The following NCDN variants were observed in gnomAD, a reference collection of about 807,000 sequenced individuals.
NCDN encodes neurochondrin, also known as norbin.
A neutral mutation model predicts 60.7 loss-of-function variants in NCDN; 9 were observed. The ratio of observed to expected loss-of-function variants is 0.15; its 90% CI spans 0.09 to 0.26. NCDN has a LOEUF of 0.26. Ranked by LOEUF, NCDN falls within the 10% of genes least tolerant of loss-of-function variation. The pLI is 1.00. For synonymous variants in NCDN, 409 were observed against 442.5 expected (o/e 0.92, Z 0.95); for missense variants, 578 against 975.2 (o/e 0.59, Z 5.42).
rs770918242 is a variant in NCDN at position 35,563,444 on chromosome 1, G to A, written c.1610+18G>A. 6.2e-7 allele frequency: 1 copy of A among 1,606,592 alleles called. No individual in the cohort carries two copies. Among genetic ancestry groups the A allele is most frequent in the Non-Finnish European group, 8.5e-7 (1 of 1,173,904 alleles). On this transcript the variant is annotated intron_variant, in intron 5 of 6. Transcript: ENST00000373243. The surrounding 1 kb of genome is among the most constrained non-coding windows in gnomAD (Gnocchi z 6.6). The stretch of plus-strand genomic sequence containing the variant: ...CTGATCAAGTGAGGGGCTCGGGAGA[G>A]GTGGGGGAGGAGGCCGGAGGAGGCA...
chr1:35,557,851 G>A lies in NCDN; in HGVS notation c.-340G>A, dbSNP rs940848217. 1.7e-6 allele frequency: 1 copy of A among 579,336 alleles called. No homozygotes were observed. The highest frequency in any genetic ancestry group is 2.2e-5 in the Admixed American group (1 of 45,920). 35.9% of individuals were successfully genotyped at this position (579,336 alleles called of 1,614,324 possible). ...CCGAGGCTCCCGGAGCATCGCGCTG[G>A]GAGAAGACTTCGCCGCTCGGGGCCG... is the stretch of plus-strand genomic sequence containing the variant. On this transcript the variant is annotated 5_prime_UTR_variant, in exon 1 of 7. Coordinates refer to ENST00000373243, the MANE Select transcript of NCDN (RefSeq NM_014284.3).
At position 35,558,903 on chromosome 1, in the gene NCDN, C is replaced by T. The variant is rs1009242457; in HGVS notation, c.34-204C>T. ...CTGGAGGTGACCTTGGACCAGGGTC[C>T]CTTCTTTATCCCTAAGGATTTGCAG... On this transcript the variant is annotated intron_variant, in intron 1 of 6. Coordinates refer to ENST00000373243, the MANE Select transcript of NCDN (RefSeq NM_014284.3). The surrounding 1 kb of genome is among the most constrained non-coding windows in gnomAD (Gnocchi z 6.3). Among the ~76,000 whole-genome samples, 3 of 151,994 alleles carry T rather than the reference C, an allele frequency of 2.0e-5. No homozygotes were observed. The highest frequency in any genetic ancestry group is 7.3e-5 in the African/African-American group (3 of 41,364).
rs757352611 is a variant in NCDN, at chr1:35,562,619, A to G, written c.1371A>G (p.Pro457=). The change falls in exon 4 of 7, where the codon CCA becomes CCG. Residue 457 remains proline (P), a synonymous_variant. Coordinates refer to ENST00000373243, the MANE Select transcript of NCDN (RefSeq NM_014284.3). This position sits in a 1 kb window ranked among gnomAD's most constrained non-coding sequence, Gnocchi z 6.8. ...ISPTTPGPTW[P]GDALRLLLPG... Reference sequence around the variant, plus strand: ...CCACCACCCCAGGGCCCACCTGGCCAGGAGACGCTCTCCGGTGAGTCTGTA... The same window carrying G: ...CCACCACCCCAGGGCCCACCTGGCCGGGAGACGCTCTCCGGTGAGTCTGTA... 2 of 1,613,308 alleles carry G rather than the reference A, an allele frequency of 1.2e-6. No homozygotes were observed. Among genetic ancestry groups the G allele is most frequent in the African/African-American group, 2.7e-5 (2 of 74,924 alleles).
Position 35,563,569 on chromosome 1 carries a change from C to G in NCDN, c.1610+143C>G. ...CATGGGGGTCTCAGAGTAGACATAG[C>G]CAGCCCCGCACAAGGATTCGGCATG... On this transcript the variant is annotated intron_variant, in intron 5 of 6. Coordinates refer to ENST00000373243, the MANE Select transcript of NCDN (RefSeq NM_014284.3). The surrounding 1 kb of genome is among the most constrained non-coding windows in gnomAD (Gnocchi z 6.6). The G allele has an allele frequency of 9.4e-7, 1 of 1,063,692 alleles. No individual in the cohort carries two copies. Among genetic ancestry groups the G allele is most frequent in the Non-Finnish European group, 1.4e-6 (1 of 733,690 alleles). 65.9% of individuals were successfully genotyped at this position (1,063,692 alleles called of 1,614,324 possible).
Position 35,565,755 on chromosome 1 carries a change from C to T in NCDN, c.*92C>T. The T allele has an allele frequency of 7.6e-7, 1 of 1,312,106 alleles. No homozygotes were observed. The highest frequency in any genetic ancestry group is 1.0e-6 in the Non-Finnish European group (1 of 983,470). 81.3% of individuals were successfully genotyped at this position (1,312,106 alleles called of 1,614,324 possible). A position where few individuals can be genotyped will look rare whatever the true frequency, so the allele number is the denominator to read the frequency against. ...GAAGCCCCCAATCTGGCCCCCCCCT[C>T]CCCAGACTTCCTCCCCAAAACACCC... On this transcript the variant is annotated 3_prime_UTR_variant, in exon 7 of 7. Transcript: ENST00000373243. The surrounding 1 kb of genome is among the most constrained non-coding windows in gnomAD (Gnocchi z 8.9).
chr1:35,558,499 G>A lies in NCDN; in HGVS notation c.33+276G>A, dbSNP rs565727616. 2 of 1,388,724 alleles carry A rather than the reference G, an allele frequency of 1.4e-6. No individual in the cohort carries two copies. The highest frequency in any genetic ancestry group is 5.5e-5 in the East Asian group (2 of 36,684). The allele number at this position is 1,388,724 out of a possible 1,614,324, so 86.0% of individuals were successfully genotyped here. A position where few individuals can be genotyped will look rare whatever the true frequency, so the allele number is the denominator to read the frequency against. ...AAGGAGAGGAGGCAAGGAGCCTGCG[G>A]GGGCGACTGAGAGCCCTGGCTGGAG... is the stretch of plus-strand genomic sequence containing the variant. On this transcript the variant is annotated intron_variant, in intron 1 of 6. Coordinates refer to ENST00000373243, the MANE Select transcript of NCDN (RefSeq NM_014284.3). This position sits in a 1 kb window ranked among gnomAD's most constrained non-coding sequence, Gnocchi z 6.3.
Position 35,560,824 on chromosome 1 carries a change from C to G in NCDN, c.673C>G (p.Leu225Val). Residue 225 changes from leucine to valine, a missense_variant, in exon 3 of 7, where the codon CTC becomes GTC. Leu to Val is a conservative substitution (Grantham distance 32, BLOSUM62 1). Coordinates refer to ENST00000373243, the MANE Select transcript of NCDN (RefSeq NM_014284.3). This position sits in a 1 kb window ranked among gnomAD's most constrained non-coding sequence, Gnocchi z 7.6. ...EPDLLAVLRG[L>V]SEDFQKAEDA... The stretch of plus-strand genomic sequence containing the variant: ...CGACCTGCTGGCCGTGTTGCGGGGC[C>G]TCAGTGAGGATTTCCAGAAAGCTGA... 2 of 1,614,096 alleles carry G rather than the reference C, an allele frequency of 1.2e-6. No individual in the cohort carries two copies. The highest frequency in any genetic ancestry group is 1.7e-6 in the Non-Finnish European group (2 of 1,180,010).
Position 35,566,679 on chromosome 1 carries a change from ACT to A in NCDN, c.*1019_*1020del, listed in dbSNP as rs1215539500. On this transcript the variant is annotated 3_prime_UTR_variant, in exon 7 of 7. Coordinates refer to ENST00000373243, the MANE Select transcript of NCDN (RefSeq NM_014284.3). This position sits in a 1 kb window ranked among gnomAD's most constrained non-coding sequence, Gnocchi z 5.3. ...CACACACACACACACACACACACAC[ACT>A]CTTGATCCCTTGCTTCCCTCCCCCA... 9 of 396,332 alleles carry A rather than the reference ACT, an allele frequency of 2.3e-5. No individual in the cohort carries two copies. The highest frequency in any genetic ancestry group is 5.3e-5 in the Admixed American group (2 of 37,906). The allele number at this position is 396,332 out of a possible 1,614,324, so 24.6% of individuals were successfully genotyped here.
chr1:35,566,698 C>A lies in NCDN; in HGVS notation c.*1035C>A. ...ACACACACTCTTGATCCCTTGCTTC[C>A]CTCCCCCAGTGCGTTCTGTGATCGC... On this transcript the variant is annotated 3_prime_UTR_variant, in exon 7 of 7. Coordinates refer to ENST00000373243, the MANE Select transcript of NCDN (RefSeq NM_014284.3). The surrounding 1 kb of genome is among the most constrained non-coding windows in gnomAD (Gnocchi z 5.3). The A allele has an allele frequency of 2.3e-6, 1 of 440,728 alleles. No individual in the cohort carries two copies. The highest frequency in any genetic ancestry group is 4.6e-6 in the Non-Finnish European group (1 of 218,012). 27.3% of individuals were successfully genotyped at this position (440,728 alleles called of 1,614,324 possible).
Position 35,560,709 on chromosome 1 carries a change from G to T in NCDN, c.558G>T (p.Leu186=). 2 of 1,612,582 alleles carry T rather than the reference G, an allele frequency of 1.2e-6. No individual in the cohort carries two copies. ...GTVSALCQAY[L]GHGYGFDQAL... is the part of the protein sequence containing the mutation. ...TGTCTGCCCTATGCCAGGCATACCT[G>T]GGGCACGGCTATGGCTTTGACCAGG... The change falls in exon 3 of 7, where the codon CTG becomes CTT. Residue 186 remains leucine (L), a synonymous_variant. Coordinates refer to ENST00000373243, the MANE Select transcript of NCDN (RefSeq NM_014284.3). The surrounding 1 kb of genome is among the most constrained non-coding windows in gnomAD (Gnocchi z 7.6).
rs759198066 is a variant in NCDN at position 35,560,421 on chromosome 1, C to A, written c.270C>A (p.Thr90=). 8.1e-6 allele frequency: 13 copies of A among 1,613,906 alleles called. No individual in the cohort carries two copies. Among genetic ancestry groups the A allele is most frequent in the East Asian group, 2.2e-5 (1 of 44,902 alleles). The change falls in exon 3 of 7, where the codon ACC becomes ACA. Residue 90 remains threonine, a synonymous_variant. Coordinates refer to ENST00000373243, the MANE Select transcript of NCDN (RefSeq NM_014284.3). The surrounding 1 kb of genome is among the most constrained non-coding windows in gnomAD (Gnocchi z 7.6). The part of the protein sequence containing the change: ...VGFTFPNRLL[T]TKEAPDGCPD... Reference sequence around the variant, plus strand: ...TCACCTTCCCCAATCGTCTCCTGACCACCAAGGAGGCGCCGGATGGCTGCC... The same window carrying A: ...TCACCTTCCCCAATCGTCTCCTGACAACCAAGGAGGCGCCGGATGGCTGCC...
Position 35,565,553 on chromosome 1 carries a change from C to T in NCDN, c.2080C>T (p.Leu694=), listed in dbSNP as rs2148540652. 1 of 1,565,814 alleles carries T rather than the reference C, an allele frequency of 6.4e-7. No homozygotes were observed. Among genetic ancestry groups the T allele is most frequent in the South Asian group, 1.2e-5 (1 of 86,368 alleles). Residue 694 remains leucine (L), a synonymous_variant, in exon 7 of 7, where the codon CTG becomes TTG. Coordinates refer to ENST00000373243, the MANE Select transcript of NCDN (RefSeq NM_014284.3). The surrounding 1 kb of genome is among the most constrained non-coding windows in gnomAD (Gnocchi z 8.9). ...CGCCTATCAGGGTGTCCTGGTGGAGCTGGCGCGGGCCAACCGGCTGTGCCG... is the reference window on the plus strand; with the variant it reads ...CGCCTATCAGGGTGTCCTGGTGGAGTTGGCGCGGGCCAACCGGCTGTGCCG... ...VAAYQGVLVE[L]ARANRLCREA...
At position 35,558,948 on chromosome 1, in the gene NCDN, C is replaced by T. The variant is rs1648553936; in HGVS notation, c.34-159C>T. On this transcript the variant is annotated intron_variant, in intron 1 of 6. Transcript: ENST00000373243. The surrounding 1 kb of genome is among the most constrained non-coding windows in gnomAD (Gnocchi z 6.3). ...TTGCAGATCCAGCCCCTTAAAGGGG[C>T]TTCTGGGGGGAGGTCAGTCCTGAGG... 5.3e-6 allele frequency: 2 copies of T among 377,710 alleles called. No individual in the cohort carries two copies. The highest frequency in any genetic ancestry group is 4.4e-5 in the African/African-American group (2 of 45,472). The allele number at this position is 377,710 out of a possible 1,614,324, so 23.4% of individuals were successfully genotyped here.
At chr1:35,564,498 G>A (rs1468438430) in intron 6 of NCDN, among the ~76,000 whole-genome samples, 1 of 152,210 alleles carries the variant, frequency 6.6e-6, no homozygotes, top group Non-Finnish European at 1.5e-5. Context: ...TGTCAGGTTG[G>A]AGGAGCTGAG....
rs947973941 is a variant in NCDN, at chr1:35,561,976, C to T, written c.1144-416C>T. Among the ~76,000 whole-genome samples the T allele has an allele frequency of 1.3e-5, 2 of 152,230 alleles. No individual in the cohort carries two copies. The highest frequency in any genetic ancestry group is 1.3e-4 in the Admixed American group (2 of 15,284). The stretch of plus-strand genomic sequence containing the variant: ...ACTCCCACCATTGGGAGCAGTTACA[C>T]AGTAGCCAGGAACCTGCCCTCCCAC... On this transcript the variant is annotated intron_variant, in intron 3 of 6. Transcript: ENST00000373243. This position sits in a 1 kb window ranked among gnomAD's most constrained non-coding sequence, Gnocchi z 4.9.
intron 2 of NCDN, among the ~76,000 whole-genome samples, chr1:35,559,964 A>G (rs1331711479): frequency 1.3e-5 from 2 of 152,186 alleles, no homozygotes; most frequent in African/African-American, 4.8e-5. Flanking sequence ...GGAGGGAGCA[A>G]TTAAGGAAGG....
rs1345042027 is a variant in NCDN, at chr1:35,558,997, C to T, written c.34-110C>T. The T allele has an allele frequency of 9.9e-6, 11 of 1,112,208 alleles. No individual in the cohort carries two copies. The highest frequency in any genetic ancestry group is 1.6e-5 in the African/African-American group (1 of 63,912). The allele number at this position is 1,112,208 out of a possible 1,614,324, so 68.9% of individuals were successfully genotyped here. A position where few individuals can be genotyped will look rare whatever the true frequency, so the allele number is the denominator to read the frequency against. The stretch of plus-strand genomic sequence containing the variant: ...GGAGTCCACCCCTCCAGATTCTCTC[C>T]TCCCCTCCCTCTGTGCTAATCCCTC... On this transcript the variant is annotated intron_variant, in intron 1 of 6. Transcript: ENST00000373243. This position sits in a 1 kb window ranked among gnomAD's most constrained non-coding sequence, Gnocchi z 6.3.
In NCDN at chr1:35,560,888, T is replaced by G; in HGVS notation, c.737T>G (p.Leu246Arg). Residue 246 changes from leucine (L) to arginine (R), a missense_variant, in exon 3 of 7, where the codon CTC becomes CGC. Leu to Arg is a moderately radical substitution (Grantham distance 102, BLOSUM62 -2). Coordinates refer to ENST00000373243, the MANE Select transcript of NCDN (RefSeq NM_014284.3). The surrounding 1 kb of genome is among the most constrained non-coding windows in gnomAD (Gnocchi z 7.6). ...SKFELCQLLP[L>R]FLPPTTVPPE... ...TTTGAGCTCTGCCAGCTGCTGCCCCTCTTTTTGCCCCCGACAACCGTGCCC... is the reference window on the plus strand; with the variant it reads ...TTTGAGCTCTGCCAGCTGCTGCCCCGCTTTTTGCCCCCGACAACCGTGCCC... The G allele has an allele frequency of 6.2e-7, 1 of 1,614,120 alleles. No individual in the cohort carries two copies. The highest frequency in any genetic ancestry group is 8.5e-7 in the Non-Finnish European group (1 of 1,180,004).
chr1:35,560,186 A>C lies in NCDN; in HGVS notation c.175-140A>C. Reference sequence around the variant, plus strand: ...CATTTATCTGCCTCTAAGGAGAAAAAAGGAGCTGGATGAAATGACCTCAGA... The same window carrying C: ...CATTTATCTGCCTCTAAGGAGAAAACAGGAGCTGGATGAAATGACCTCAGA... On this transcript the variant is annotated intron_variant, in intron 2 of 6. Coordinates refer to ENST00000373243, the MANE Select transcript of NCDN (RefSeq NM_014284.3). This position sits in a 1 kb window ranked among gnomAD's most constrained non-coding sequence, Gnocchi z 7.6. The C allele has an allele frequency of 8.5e-7, 1 of 1,175,148 alleles. No homozygotes were observed. The highest frequency in any genetic ancestry group is 1.2e-6 in the Non-Finnish European group (1 of 836,120). 72.8% of individuals were successfully genotyped at this position (1,175,148 alleles called of 1,614,324 possible). A position where few individuals can be genotyped will look rare whatever the true frequency, so the allele number is the denominator to read the frequency against.
Sources: gnomAD v4.1 joint callset for allele counts (sites outside exome capture counted in the v4.1 genomes callset) on GRCh38, gnomAD v4.1.1 for gene constraint, Gnocchi (gnomAD v3.1) non-coding constraint, MANE v1.5 for transcripts, NCBI Gene and HGNC (gene_info 2026-07-23, HGNC 2026-07-21) for gene names.